Variants in POLD1 observed in about 807,000 individuals in gnomAD.
The protein encoded by POLD1 is DNA polymerase delta catalytic subunit.
POLD1 carries 79 observed loss-of-function variants against 129.7 expected under a neutral mutation model. The observed-to-expected ratio is 0.61, with a 90% CI of 0.51 to 0.73. POLD1 has a LOEUF of 0.73. Ranked by LOEUF, POLD1 falls within the 30% of genes least tolerant of loss-of-function variation. The pLI is 0.00. For missense variants in POLD1, 1,338 were observed against 1,595.8 expected, an observed-to-expected ratio of 0.84 and a Z score of 2.75; for synonymous variants, 714 against 683.3, an observed-to-expected ratio of 1.04 and a Z score of -0.70.
chr19:50,398,231 G>A (rs1337018412), intron 1 of POLD1, among the ~76,000 whole-genome samples: 2 of 152,148 alleles, frequency 1.3e-5, no homozygotes, highest in South Asian at 4.1e-4. Context: ...GGGCAGATGG[G>A]TGGTTGGTAG....
At chr19:50,394,326 C>T (rs3219336) in intron 1 of POLD1, among the ~76,000 whole-genome samples, 5,478 of 152,118 alleles carry the variant, frequency 0.036, 341 homozygotes, top group African/African-American at 0.12. Flanking sequence ...ACTCCGGACA[C>T]GCAGGGTTGG....
At chr19:50,397,307 A>G (rs111241257) in intron 1 of POLD1, among the ~76,000 whole-genome samples, 24,905 of 151,290 alleles carry the variant, frequency 0.16, 3,006 homozygotes, top group African/African-American at 0.34. Flanking sequence ...GCTGAGGCAG[A>G]AGAATTGCTT....
chr19:50,403,763 A>G (rs937764161), intron 10 of POLD1, among the ~76,000 whole-genome samples, 166 bp downstream of exon 10: 3 of 152,178 alleles, frequency 2.0e-5, no homozygotes, highest in African/African-American at 7.2e-5. Context: ...CCCTGCTCCA[A>G]GTCGAAAAAG....
In POLD1 at chr19:50,406,636, G is replaced by T; in HGVS notation, c.1494+119G>T. On this transcript the variant is annotated intron_variant, in intron 12 of 26. Coordinates refer to ENST00000440232, the MANE Select transcript of POLD1 (RefSeq NM_002691.4). This position sits in a 1 kb window ranked among gnomAD's most constrained non-coding sequence, Gnocchi z 5.5. ...ACCTCACTCTTTGACCTGCTGTTAT[G>T]ACCTGTGACCTTACCTGACGCCCAC... 1.3e-6 allele frequency: 1 copy of T among 748,304 alleles called. No homozygotes were observed. Among genetic ancestry groups the T allele is most frequent in the South Asian group, 1.6e-5 (1 of 61,518 alleles). The allele number at this position is 748,304 out of a possible 1,614,324, so 46.4% of individuals were successfully genotyped here.
Position 50,415,498 on chromosome 19 carries a change from C to T in POLD1, c.2625C>T (p.Arg875=). The part of the protein sequence containing the change: ...QDVISDLLCN[R]IDISQLVITK... Reference sequence around the variant, plus strand: ...TCATCTCGGACCTGCTGTGCAACCGCATCGATATCTCCCAGCTGGTCATCA... The same window carrying T: ...TCATCTCGGACCTGCTGTGCAACCGTATCGATATCTCCCAGCTGGTCATCA... The change falls in exon 21 of 27, where the codon CGC becomes CGT. Residue 875 remains arginine (R), a synonymous_variant. Transcript: ENST00000440232. The T allele has an allele frequency of 1.2e-6, 2 of 1,613,450 alleles. No individual in the cohort carries two copies.
chr19:50,415,796 C>G lies in POLD1; in HGVS notation c.2790C>G (p.Ala930=), dbSNP rs1601244572. ...TCCCCTACGTGATCATCAGTGCCGC[C>G]AAGGGTGTGGCCGCCTACATGAAGT... ...DRVPYVIISA[A]KGVAAYMKSE... is the part of the protein sequence containing the mutation. Residue 930 remains alanine (A), a synonymous_variant, in exon 22 of 27, where the codon GCC becomes GCG. Transcript: ENST00000440232. 1.3e-6 allele frequency: 2 copies of G among 1,560,966 alleles called. No individual in the cohort carries two copies. The highest frequency in any genetic ancestry group is 1.7e-6 in the Non-Finnish European group (2 of 1,155,144).
chr19:50,417,280 T>G lies in POLD1; in HGVS notation c.3218+11T>G, dbSNP rs567133743. 2.2e-5 allele frequency: 35 copies of G among 1,566,250 alleles called. No individual in the cohort carries two copies. The African/African-American group carries it at 4.3e-4, about 19-fold the overall frequency. On this transcript the variant is annotated intron_variant, in intron 26 of 26. Coordinates refer to ENST00000440232, the MANE Select transcript of POLD1 (RefSeq NM_002691.4). Reference sequence around the variant, plus strand: ...CGTCATCTGCACCAGGTGTGTGCCATGTCCCGACCCTGGGCTGCCCCGCCC... The same window carrying G: ...CGTCATCTGCACCAGGTGTGTGCCAGGTCCCGACCCTGGGCTGCCCCGCCC...
Position 50,399,090 on chromosome 19 carries a change from C to T in POLD1, c.202+37C>T, listed in dbSNP as rs752464592. 8 of 1,550,412 alleles carry T rather than the reference C, an allele frequency of 5.2e-6. No homozygotes were observed. The South Asian group carries it at 9.5e-5, about 18-fold the overall frequency. ...AGTTGGAGGTTCCTGCTGCCCAACCCATTGCCCCTGGTCTTGCCTTTGGTC... is the reference window on the plus strand; with the variant it reads ...AGTTGGAGGTTCCTGCTGCCCAACCTATTGCCCCTGGTCTTGCCTTTGGTC... On this transcript the variant is annotated intron_variant, in intron 2 of 26. Transcript: ENST00000440232.
At chr19:50,417,151 C>A (rs1182270518) in intron 25 of POLD1, 21 bp from the exon 26 acceptor site, 1 of 1,578,990 alleles carries the variant, frequency 6.3e-7, no homozygotes, top group Non-Finnish European at 8.6e-7. Flanking sequence ...GGGCGCCCTG[C>A]TCAGCCGCTG....
chr19:50,401,261 C>T (rs1206961246), intron 3 of POLD1, among the ~76,000 whole-genome samples: 1 of 142,962 alleles, frequency 7.0e-6, no homozygotes, highest in African/African-American at 2.6e-5. Flanking sequence ...ATGATATATT[C>T]TTTATGTATT....
chr19:50,402,002 T>A lies in POLD1; in HGVS notation c.467T>A (p.Phe156Tyr). 6.2e-7 allele frequency: 1 copy of A among 1,614,048 alleles called. No individual in the cohort carries two copies. Among genetic ancestry groups the A allele is most frequent in the Non-Finnish European group, 8.5e-7 (1 of 1,179,990 alleles). The stretch of plus-strand genomic sequence containing the variant: ...CTGATCATCCCTCCCACACCAGGTT[T>A]CGGGCCCGAGCACATGGGTGACCTG... ...PYFYTPAPPG[F>Y]GPEHMGDLQR... Residue 156 changes from phenylalanine (F) to tyrosine (Y), a missense_variant, in exon 5 of 27, where the codon TTC becomes TAC. Transcript: ENST00000440232.
chr19:50,388,665 C>G (rs1042045696), intron 1 of POLD1, among the ~76,000 whole-genome samples: 1 of 152,070 alleles, frequency 6.6e-6, no homozygotes, highest in Non-Finnish European at 1.5e-5. Flanking sequence ...AGCCATGGCC[C>G]TTTGCCTAGA....
intron 1 of POLD1, among the ~76,000 whole-genome samples, chr19:50,394,476 A>G (rs1433867847): frequency 6.6e-6 from 1 of 152,004 alleles, no homozygotes; most frequent in Non-Finnish European, 1.5e-5. Flanking sequence ...ACATGGTGAA[A>G]CCCCATCTCT....
intron 1 of POLD1, among the ~76,000 whole-genome samples, chr19:50,388,825 CT>C (rs34487979): frequency 6.4e-3 from 569 of 88,852 alleles, no homozygotes; most frequent in African/African-American, 0.019. Flanking sequence ...GCAGTTAACT[CT>C]TTTTTTTTTT....
intron 1 of POLD1, among the ~76,000 whole-genome samples, chr19:50,388,253 G>T (rs921133065): frequency 6.6e-6 from 1 of 152,130 alleles, no homozygotes; most frequent in African/African-American, 2.4e-5. Flanking sequence ...TGTGGTGATG[G>T]TTGCCTAACT....
chr19:50,389,011 T>G (rs2038062711), intron 1 of POLD1, among the ~76,000 whole-genome samples: 1 of 151,912 alleles, frequency 6.6e-6, no homozygotes, highest in African/African-American at 2.4e-5. Context: ...TTTTGTATTT[T>G]TAGTAAAGAT....
chr19:50,415,083 T>A lies in POLD1; in HGVS notation c.2564+93T>A, dbSNP rs1487045105. On this transcript the variant is annotated intron_variant, in intron 20 of 26. Coordinates refer to ENST00000440232, the MANE Select transcript of POLD1 (RefSeq NM_002691.4). ...AGTCTAGGCCCCAGCCCCTCCTCCC[T>A]CAGACCCACGGGTCCAGGCCCCCAG... 1.5e-5 allele frequency: 18 copies of A among 1,211,124 alleles called. No homozygotes were observed. In the Admixed American group the frequency reaches 5.3e-4, roughly 36 times the overall value. 75.0% of individuals were successfully genotyped at this position (1,211,124 alleles called of 1,614,324 possible). A position where few individuals can be genotyped will look rare whatever the true frequency, so the allele number is the denominator to read the frequency against.
chr19:50,407,422 C>T lies in POLD1; in HGVS notation c.1775+7C>T, dbSNP rs1057517591. On this transcript the variant is annotated splice_region_variant and intron_variant, in intron 14 of 26. Coordinates refer to ENST00000440232, the MANE Select transcript of POLD1 (RefSeq NM_002691.4). ...TCATCGAGCCCCTCAAAGGGTGAGG[C>T]CCCAGGCTGGGTGCAGTTTTTACCT... 6.3e-7 allele frequency: 1 copy of T among 1,582,384 alleles called. No individual in the cohort carries two copies. The highest frequency in any genetic ancestry group is 8.6e-7 in the Non-Finnish European group (1 of 1,160,186).
At chr19:50,389,887 GTTTTT>G (rs111716675) in intron 1 of POLD1, among the ~76,000 whole-genome samples, 2 of 141,318 alleles carry the variant, frequency 1.4e-5, no homozygotes, top group Non-Finnish European at 3.1e-5. Flanking sequence ...TGTCCAGCCT[GTTTTT>G]TTTTTTGTTT....
Sources: gnomAD v4.1 joint callset for allele counts (sites outside exome capture counted in the v4.1 genomes callset) on GRCh38, gnomAD v4.1.1 for gene constraint, Gnocchi (gnomAD v3.1) non-coding constraint, MANE v1.5 for transcripts, NCBI Gene and HGNC (gene_info 2026-07-23, HGNC 2026-07-21) for gene names.